Variants in INPP4B observed in about 807,000 individuals in gnomAD.
INPP4B encodes inositol polyphosphate-4-phosphatase type II B.
INPP4B carries 55 observed loss-of-function variants against 122.5 expected under a neutral mutation model. The ratio of observed to expected loss-of-function variants is 0.45; its 90% CI spans 0.36 to 0.56. The LOEUF (loss-of-function observed/expected upper bound fraction) is 0.56. INPP4B is among the 20% of genes least tolerant of loss of function. The probability of loss-of-function intolerance (pLI) is 0.00; values close to 1 mark genes in which losing one functional copy is unlikely to be tolerated. For missense variants in INPP4B, 1,000 were observed against 1,097.7 expected, an observed-to-expected ratio of 0.91 and a Z score of 1.26; for synonymous variants, 403 against 388.7, an observed-to-expected ratio of 1.04 and a Z score of -0.43.
intron 11 of INPP4B, among the ~76,000 whole-genome samples, chr4:142,245,509 C>T (rs1001090202): frequency 2.6e-5 from 4 of 151,920 alleles, no homozygotes; most frequent in Admixed American, 6.6e-5. Context: ...TGAGGATTTT[C>T]GCATCGATGT....
chr4:142,141,692 A>G (rs1807917848), intron 18 of INPP4B, among the ~76,000 whole-genome samples: 2 of 152,222 alleles, frequency 1.3e-5, no homozygotes, highest in Admixed American at 6.5e-5. Context: ...AAAACTACAG[A>G]TTTAAAATAT....
intron 7 of INPP4B, among the ~76,000 whole-genome samples, chr4:142,384,905 A>G (rs1402768550): frequency 6.6e-6 from 1 of 152,152 alleles, no homozygotes; most frequent in Non-Finnish European, 1.5e-5. Context: ...CTCCAACTAC[A>G]TACGAGTTCC....
At chr4:142,069,157 T>C (rs1316360713) in intron 25 of INPP4B, among the ~76,000 whole-genome samples, 5 of 152,056 alleles carry the variant, frequency 3.3e-5, no homozygotes, top group African/African-American at 1.2e-4. Context: ...GCAATCAAAC[T>C]AGAACTCAGG....
intron 25 of INPP4B, among the ~76,000 whole-genome samples, chr4:142,064,578 G>A (rs901313241): frequency 6.6e-6 from 1 of 152,092 alleles, no homozygotes; most frequent in Non-Finnish European, 1.5e-5. Context: ...TTCAAGAGCA[G>A]CTGCTATAAA....
chr4:142,534,107 G>C (rs1043534113), intron 2 of INPP4B, among the ~76,000 whole-genome samples: 7 of 152,136 alleles, frequency 4.6e-5, no homozygotes, highest in African/African-American at 1.7e-4. Context: ...TTGTGGATAT[G>C]TATCTTGATT....
rs1308676824 is a variant in INPP4B, at chr4:142,082,092, A to G, written c.2581T>C (p.Leu861=). The change falls in exon 25 of 26, where the codon TTG becomes CTG. Residue 861 remains leucine, a synonymous_variant. Coordinates refer to ENST00000262992, the MANE Select transcript of INPP4B (RefSeq NM_001101669.3). ...TTGTGTAACTGGTGCTCATCTCTCA[A>G]GATTGAGCATTGTTCAAGTGTCACT... ...MSVTLEQCSI[L]RDEHQLHKDF... The G allele has an allele frequency of 6.6e-7, 1 of 1,505,524 alleles. No individual in the cohort carries two copies. 93.3% of individuals were successfully genotyped at this position (1,505,524 alleles called of 1,614,324 possible). A position where few individuals can be genotyped will look rare whatever the true frequency, so the allele number is the denominator to read the frequency against.
chr4:142,632,624 A>G (rs115040085), intron 2 of INPP4B, among the ~76,000 whole-genome samples: 2,059 of 152,112 alleles, frequency 0.014, 36 homozygotes, highest in African/African-American at 0.039. Context: ...TAAAATACAA[A>G]TAATAACTTT....
intron 3 of INPP4B, among the ~76,000 whole-genome samples, chr4:142,441,224 T>G (rs1044082913): frequency 6.6e-6 from 1 of 152,114 alleles, no homozygotes; most frequent in African/African-American, 2.4e-5. Context: ...GCAACCTATT[T>G]AGAGGTTAAT....
At chr4:142,703,325 A>T (rs894863053) in intron 2 of INPP4B, among the ~76,000 whole-genome samples, 1 of 152,228 alleles carries the variant, frequency 6.6e-6, no homozygotes, top group South Asian at 2.1e-4. Context: ...ATTTTTAAAA[A>T]GATAAATACC....
At chr4:142,579,196 T>C (rs529552005) in intron 2 of INPP4B, among the ~76,000 whole-genome samples, 8 of 152,002 alleles carry the variant, frequency 5.3e-5, no homozygotes, top group Non-Finnish European at 1.0e-4. Flanking sequence ...GGTAAACAAA[T>C]AAATGCATAT....
intron 7 of INPP4B, among the ~76,000 whole-genome samples, chr4:142,335,084 T>C (rs1412064634): frequency 2.1e-5 from 3 of 142,228 alleles, no homozygotes; most frequent in Non-Finnish European, 3.0e-5. Flanking sequence ...CTTAATGCTC[T>C]GTCTGCTACT....
At position 142,775,062 on chromosome 4, in the gene INPP4B, G is replaced by A. The variant is rs558760417; in HGVS notation, c.-253-49161C>T. Among the ~76,000 whole-genome samples, 41 of 152,116 alleles carry A rather than the reference G, an allele frequency of 2.7e-4. 1 individual carries two copies. The highest frequency in any genetic ancestry group is 2.3e-3 in the Admixed American group (35 of 15,268). ...AATGTCTTTCAACAGAAATTTGTCTGATGATTTTCTTATAATTAAACTGGG... is the reference window on the plus strand; with the variant it reads ...AATGTCTTTCAACAGAAATTTGTCTAATGATTTTCTTATAATTAAACTGGG... On this transcript the variant is annotated intron_variant, in intron 1 of 25. Transcript: ENST00000262992.
intron 15 of INPP4B, among the ~76,000 whole-genome samples, chr4:142,188,977 G>A (rs1414566134): frequency 6.6e-6 from 1 of 152,064 alleles, no homozygotes; most frequent in African/African-American, 2.4e-5. Context: ...CCCATTCCTG[G>A]TTTATCGGAT....
At chr4:142,593,819 T>A (rs1738075591) in intron 2 of INPP4B, among the ~76,000 whole-genome samples, 1 of 152,252 alleles carries the variant, frequency 6.6e-6, no homozygotes, top group East Asian at 1.9e-4. Flanking sequence ...CTTCACTCTA[T>A]TTCCTACTCC....
chr4:142,105,720 TAGTC>T (rs1481561413), intron 23 of INPP4B, among the ~76,000 whole-genome samples: 5 of 152,290 alleles, frequency 3.3e-5, no homozygotes, highest in East Asian at 1.9e-4. Flanking sequence ...AGTAAATTAA[TAGTC>T]AGCACATCCA....
In INPP4B at chr4:142,494,579, A is replaced by G. The variant is rs559181951; in HGVS notation, c.-190-31853T>C. Among the ~76,000 whole-genome samples the G allele has an allele frequency of 3.9e-5, 6 of 152,276 alleles. No individual in the cohort carries two copies. In the South Asian group the frequency reaches 8.3e-4, roughly 21 times the overall value. On this transcript the variant is annotated intron_variant, in intron 2 of 25. Coordinates refer to ENST00000262992, the MANE Select transcript of INPP4B (RefSeq NM_001101669.3). ...TCTATTTTACTCTCAGTTTTCTTGCATACATTCATTAAATATAGAACTCTG... is the reference window on the plus strand; with the variant it reads ...TCTATTTTACTCTCAGTTTTCTTGCGTACATTCATTAAATATAGAACTCTG...
At chr4:142,497,728 C>T (rs1379970704) in intron 2 of INPP4B, among the ~76,000 whole-genome samples, 1 of 152,128 alleles carries the variant, frequency 6.6e-6, no homozygotes, top group Non-Finnish European at 1.5e-5. Flanking sequence ...CAGTAGTAGT[C>T]CTAATTTTCT....
chr4:142,264,821 G>A (rs1741976657), intron 10 of INPP4B, among the ~76,000 whole-genome samples: 1 of 152,140 alleles, frequency 6.6e-6, no homozygotes, highest in Non-Finnish European at 1.5e-5. Context: ...TTGGAGATAA[G>A]GGCCTATATT....
intron 14 of INPP4B, among the ~76,000 whole-genome samples, chr4:142,203,385 T>C (rs1012427263): frequency 5.3e-5 from 8 of 152,052 alleles, no homozygotes. Flanking sequence ...TACTTTTCTA[T>C]TGTATATCTA....
Sources: gnomAD v4.1 joint callset for allele counts (sites outside exome capture counted in the v4.1 genomes callset) on GRCh38, gnomAD v4.1.1 for gene constraint, MANE v1.5 for transcripts, NCBI Gene and HGNC (gene_info 2026-07-23, HGNC 2026-07-21) for gene names.